Variants in RORA observed in about 807,000 individuals in gnomAD.
The protein encoded by RORA is RAR related orphan receptor A.
RORA carries 7 observed loss-of-function variants against 69.5 expected under a neutral mutation model. That is an observed-to-expected ratio of 0.10 (90% confidence interval 0.06 to 0.19). The LOEUF is 0.19. Among genes scored for constraint, RORA ranks in the 10% least tolerant of loss-of-function variants. The probability of loss-of-function intolerance (pLI) is 1.00; values close to 1 mark genes in which losing one functional copy is unlikely to be tolerated. For synonymous variants in RORA, 261 were observed against 240.8 expected, an observed-to-expected ratio of 1.08 and a Z score of -0.78; for missense variants, 457 against 663.0, an observed-to-expected ratio of 0.69 and a Z score of 3.41.
intron 1 of RORA, among the ~76,000 whole-genome samples, chr15:60,807,940 G>T (rs374291164): frequency 6.6e-6 from 1 of 152,106 alleles, no homozygotes; most frequent in African/African-American, 2.4e-5. Flanking sequence ...ATGGATCAAA[G>T]ACTTAAATCT....
intron 1 of RORA, among the ~76,000 whole-genome samples, chr15:60,890,134 C>A (rs578167370): frequency 4.6e-5 from 7 of 152,178 alleles, no homozygotes; most frequent in Non-Finnish European, 1.0e-4. Context: ...TATGCACATA[C>A]GCATCCCTGC....
intron 2 of RORA, among the ~76,000 whole-genome samples, chr15:60,572,192 C>G (rs1218918409): frequency 6.6e-6 from 1 of 152,170 alleles, no homozygotes; most frequent in Non-Finnish European, 1.5e-5. Flanking sequence ...ATGTAGAAAG[C>G]AGGTCAGTGA....
intron 1 of RORA, among the ~76,000 whole-genome samples, chr15:61,022,534 G>A (rs542327261): frequency 3.3e-5 from 5 of 152,182 alleles, no homozygotes; most frequent in South Asian, 2.1e-4. Context: ...TTTCAATGGT[G>A]CACACACAGA....
intron 1 of RORA, among the ~76,000 whole-genome samples, chr15:61,063,070 C>T (rs533639586): frequency 6.6e-6 from 1 of 152,330 alleles, no homozygotes; most frequent in African/African-American, 2.4e-5. Context: ...CCAGTGTGCT[C>T]CCTGACCTGG....
At chr15:60,616,641 A>G (rs1005124824) in intron 2 of RORA, among the ~76,000 whole-genome samples, 1 of 152,260 alleles carries the variant, frequency 6.6e-6, no homozygotes, top group African/African-American at 2.4e-5. Context: ...ACAGACCCCA[A>G]ACATGTCAGA....
At chr15:60,654,096 A>G (rs1464907276) in intron 2 of RORA, among the ~76,000 whole-genome samples, 4 of 152,124 alleles carry the variant, frequency 2.6e-5, no homozygotes, top group Non-Finnish European at 5.9e-5. Context: ...ATTTTAGTCA[A>G]AGGAGCTGCT....
At chr15:60,787,043 G>A (rs755348218) in intron 1 of RORA, among the ~76,000 whole-genome samples, 1 of 152,250 alleles carries the variant, frequency 6.6e-6, no homozygotes, top group Non-Finnish European at 1.5e-5. Flanking sequence ...CTATAGCTCT[G>A]AGAATGTCAT....
At chr15:61,089,223 G>A (rs1464898872) in intron 1 of RORA, among the ~76,000 whole-genome samples, 2 of 152,122 alleles carry the variant, frequency 1.3e-5, no homozygotes, top group South Asian at 2.1e-4. Flanking sequence ...ATAATAAAAA[G>A]CTCCCAGTGA....
At chr15:60,821,644 A>G (rs1384377989) in intron 1 of RORA, among the ~76,000 whole-genome samples, 4 of 152,122 alleles carry the variant, frequency 2.6e-5, no homozygotes, top group African/African-American at 9.7e-5. Context: ...ACTGTGTCTT[A>G]CTCATCTTTG....
chr15:60,842,123 C>T (rs941665480), intron 1 of RORA, among the ~76,000 whole-genome samples: 7 of 152,038 alleles, frequency 4.6e-5, no homozygotes, highest in Non-Finnish European at 7.4e-5. Context: ...CTAAAGTTCA[C>T]GAATTTGTGT....
At chr15:61,038,160 G>A (rs964851731) in intron 1 of RORA, among the ~76,000 whole-genome samples, 1 of 152,154 alleles carries the variant, frequency 6.6e-6, no homozygotes, top group African/African-American at 2.4e-5. Context: ...CAAACCCTCT[G>A]CATTAATAGC....
At chr15:61,117,437 T>C (rs572132497) in intron 1 of RORA, among the ~76,000 whole-genome samples, 4 of 152,328 alleles carry the variant, frequency 2.6e-5, no homozygotes, top group African/African-American at 9.6e-5. Context: ...TACAAATTGC[T>C]GAACTTGTAC....
intron 1 of RORA, among the ~76,000 whole-genome samples, chr15:61,222,495 A>C (rs530339782): frequency 9.2e-5 from 14 of 152,326 alleles, no homozygotes; most frequent in African/African-American, 2.9e-4. Flanking sequence ...TTTATTCCTC[A>C]TCATGCCCCA....
chr15:60,991,712 A>C (rs1487966981), intron 1 of RORA, among the ~76,000 whole-genome samples: 1 of 152,110 alleles, frequency 6.6e-6, no homozygotes, highest in Non-Finnish European at 1.5e-5. Flanking sequence ...AGCTTGGGCA[A>C]CATAGCAAAA....
chr15:60,859,187 T>C (rs1264941119), intron 1 of RORA, among the ~76,000 whole-genome samples: 2 of 152,142 alleles, frequency 1.3e-5, no homozygotes, highest in Admixed American at 6.6e-5. Flanking sequence ...TCCATCCACC[T>C]AAATCCTTAC....
intron 2 of RORA, among the ~76,000 whole-genome samples, chr15:60,639,519 A>T (rs2069903416): frequency 6.6e-6 from 1 of 152,032 alleles, no homozygotes; most frequent in Non-Finnish European, 1.5e-5. Flanking sequence ...AGATGGGGAA[A>T]ATTTCCTTCC....
chr15:60,576,696 T>G lies in RORA; in HGVS notation c.197-44845A>C, dbSNP rs560154764. Among the ~76,000 whole-genome samples, 7 of 152,360 alleles carry G rather than the reference T, an allele frequency of 4.6e-5. No homozygotes were observed. The South Asian group carries it at 1.4e-3, about 32-fold the overall frequency. ...GCTGACAGCTATCTGGGCAGAACTC[T>G]TCCCCCTTGGAGAAGGTCTGAGGGG... On this transcript the variant is annotated intron_variant, in intron 2 of 10. Coordinates refer to ENST00000335670, the MANE Select transcript of RORA (RefSeq NM_134261.3).
At chr15:60,704,214 C>T (rs889843599) in intron 1 of RORA, among the ~76,000 whole-genome samples, 3 of 152,224 alleles carry the variant, frequency 2.0e-5, no homozygotes, top group Non-Finnish European at 2.9e-5. Context: ...AGGTTTCTCC[C>T]GAGGTGTTTA....
At chr15:60,705,395 T>A (rs111584697) in intron 1 of RORA, among the ~76,000 whole-genome samples, 5 of 152,356 alleles carry the variant, frequency 3.3e-5, no homozygotes, top group African/African-American at 1.2e-4. Context: ...TATCAATTTG[T>A]AGACTATCAC....
Sources: gnomAD v4.1 joint callset for allele counts (sites outside exome capture counted in the v4.1 genomes callset) on GRCh38, gnomAD v4.1.1 for gene constraint, MANE v1.5 for transcripts, NCBI Gene and HGNC (gene_info 2026-07-23, HGNC 2026-07-21) for gene names.